Variants in PARVB observed in about 807,000 individuals in gnomAD.
PARVB encodes the protein parvin beta, also known as beta-parvin.
Under a neutral mutation model 47.0 loss-of-function variants are expected in PARVB, and 46 were observed. That is an observed-to-expected ratio of 0.98 (90% CI 0.77 to 1.25). PARVB has a LOEUF of 1.25. Ranked by LOEUF, PARVB falls within the 50% of genes most tolerant of loss-of-function variation. The probability of loss-of-function intolerance (pLI) is 0.00; values close to 1 mark genes in which losing one functional copy is unlikely to be tolerated. For missense variants in PARVB, 473 were observed against 471.6 expected (o/e 1.00, Z -0.03); for synonymous variants, 196 against 196.3 (o/e 1.00, Z 0.01).
chr22:44,139,847 AAAC>A (rs2147183410), intron 7 of PARVB: 1 of 472,856 alleles, frequency 2.1e-6, no homozygotes, highest in East Asian at 3.5e-5. Flanking sequence ...CCTCCCCTCC[AAAC>A]AACATTACCA....
At chr22:44,011,340 C>T (rs945833801) in intron 2 of PARVB, among the ~76,000 whole-genome samples, 12 of 152,026 alleles carry the variant, frequency 7.9e-5, no homozygotes, top group African/African-American at 2.7e-4. Flanking sequence ...TAGCCAGGCA[C>T]GGCGGCTCAC....
chr22:44,158,714 T>A (rs1412893093), intron 11 of PARVB, among the ~76,000 whole-genome samples: 2 of 152,256 alleles, frequency 1.3e-5, no homozygotes. Flanking sequence ...GGCCTCTCCC[T>A]GCTGTCTGCC....
chr22:44,063,470 A>G (rs1469849234), intron 1 of PARVB, among the ~76,000 whole-genome samples: 2 of 151,952 alleles, frequency 1.3e-5, no homozygotes, highest in Admixed American at 6.6e-5. Flanking sequence ...CAGGTGATCC[A>G]CCTGTCTTGG....
chr22:44,125,016 AC>A lies in PARVB; in HGVS notation c.376+5878del, dbSNP rs2053157004. Among the ~76,000 whole-genome samples, 1 of 150,872 alleles carries A rather than the reference AC, an allele frequency of 6.6e-6. No homozygotes were observed. Among genetic ancestry groups the A allele is most frequent in the South Asian group, 2.1e-4 (1 of 4,784 alleles). On this transcript the variant is annotated intron_variant, in intron 4 of 12. Coordinates refer to ENST00000338758, the MANE Select transcript of PARVB (RefSeq NM_013327.5). The surrounding 1 kb of genome is among the most constrained non-coding windows in gnomAD (Gnocchi z 4.1). ...CACTCTGCACAAATGGCTCTTACAG[AC>A]CAGCTCTTGGAGGGAAACCTCCTAG...
At chr22:44,052,545 C>T (rs932019593) in intron 1 of PARVB, among the ~76,000 whole-genome samples, 4 of 152,240 alleles carry the variant, frequency 2.6e-5, no homozygotes, top group African/African-American at 7.2e-5. Context: ...CCTCTGTGAG[C>T]CATCCTGCCT....
intron 4 of PARVB, among the ~76,000 whole-genome samples, chr22:44,129,210 C>A (rs1456581760): frequency 1.3e-5 from 2 of 152,134 alleles, no homozygotes; most frequent in South Asian, 4.1e-4. Context: ...AGAGGGAGAC[C>A]AAGTAAGGAC....
intron 1 of PARVB, among the ~76,000 whole-genome samples, chr22:44,050,185 G>A (rs925048140): frequency 2.0e-5 from 3 of 152,092 alleles, no homozygotes; most frequent in Non-Finnish European, 2.9e-5. Flanking sequence ...TCAGATATGC[G>A]GCCGTCTTAA....
chr22:44,132,547 G>T (rs943939620), intron 5 of PARVB, among the ~76,000 whole-genome samples: 2 of 152,156 alleles, frequency 1.3e-5, no homozygotes, highest in Non-Finnish European at 2.9e-5. Flanking sequence ...GCACATCCTT[G>T]TGATGGGTAA....
At chr22:44,097,545 A>T (rs909646701) in intron 2 of PARVB, among the ~76,000 whole-genome samples, 1 of 152,188 alleles carries the variant, frequency 6.6e-6, no homozygotes. Flanking sequence ...GGTGTTTCTC[A>T]TCTGGAGCAA....
intron 11 of PARVB, among the ~76,000 whole-genome samples, chr22:44,163,133 G>A (rs903331878): frequency 2.0e-5 from 3 of 150,718 alleles, no homozygotes; most frequent in African/African-American, 5.0e-5. Context: ...GCCTCTGCAC[G>A]GGACTCATCC....
chr22:44,023,581 A>G (rs2050680876), upstream of PARVB, among the ~76,000 whole-genome samples: 1 of 149,066 alleles, frequency 6.7e-6, no homozygotes, highest in African/African-American at 2.6e-5. Context: ...ATAAAATAAA[A>G]TAAAATAAAA....
At chr22:44,127,737 T>C (rs1250297245) in intron 4 of PARVB, among the ~76,000 whole-genome samples, 1 of 101,516 alleles carries the variant, frequency 9.9e-6, no homozygotes, top group Non-Finnish European at 2.1e-5. Flanking sequence ...TTTGGCCATG[T>C]GGAAATTGCC....
chr22:44,071,106 T>C (rs2051645287), intron 1 of PARVB, among the ~76,000 whole-genome samples: 1 of 152,122 alleles, frequency 6.6e-6, no homozygotes, highest in Non-Finnish European at 1.5e-5. Context: ...GTGTGGGGTG[T>C]GGGGGAACAG....
At chr22:44,119,904 G>A (rs1328871830) in intron 4 of PARVB, 2 of 515,290 alleles carry the variant, frequency 3.9e-6, no homozygotes, top group African/African-American at 1.9e-5. Context: ...AAGAACGAGC[G>A]AAGAGTTGCC....
intron 4 of PARVB, 41 bp downstream of exon 4, chr22:44,119,181 C>A (rs759530290): frequency 7.2e-7 from 1 of 1,379,670 alleles, no homozygotes; most frequent in African/African-American, 1.4e-5. Flanking sequence ...ACCCCCATCT[C>A]CCTGCAGCGG....
At chr22:44,135,985 G>A (rs2053432743) in intron 6 of PARVB, among the ~76,000 whole-genome samples, 2 of 152,212 alleles carry the variant, frequency 1.3e-5, no homozygotes, top group South Asian at 4.1e-4. Context: ...TATCTGCAAA[G>A]ACCCTTATTT....
chr22:44,164,693 C>A (rs139084), intron 12 of PARVB, among the ~76,000 whole-genome samples: 1 of 152,008 alleles, frequency 6.6e-6, no homozygotes, highest in East Asian at 1.9e-4. Context: ...CCTGGGCCCC[C>A]ACTTTGACCG....
intron 11 of PARVB, 55 bp from the exon 12 acceptor site, chr22:44,163,803 G>T: frequency 7.1e-7 from 1 of 1,418,116 alleles, no homozygotes; most frequent in Admixed American, 1.8e-5. Context: ...GCAGTGGGCC[G>T]TGTGTGGGAA....
upstream of PARVB, among the ~76,000 whole-genome samples, chr22:44,022,657 T>G (rs532298395): frequency 2.6e-5 from 4 of 151,836 alleles, no homozygotes; most frequent in African/African-American, 9.7e-5. Context: ...AACCCACTTC[T>G]CCCCAGGTGC....
Sources: allele counts gnomAD v4.1 joint callset (sites outside exome capture counted in the v4.1 genomes callset), GRCh38; gene constraint gnomAD v4.1.1; non-coding constraint Gnocchi (gnomAD v3.1); transcripts MANE v1.5; gene names NCBI Gene and HGNC (gene_info 2026-07-23, HGNC 2026-07-21).